Variants in PEPD observed in about 807,000 individuals in gnomAD.
PEPD encodes peptidase D, also known as xaa-Pro dipeptidase.
Under a neutral mutation model 60.7 loss-of-function variants are expected in PEPD, and 53 were observed. The observed-to-expected ratio is 0.87, with a 90% CI of 0.70 to 1.10. The LOEUF is 1.10. Ranked by LOEUF, PEPD falls within the 50% of genes least tolerant of loss-of-function variation. PEPD has a pLI of 0.00. For synonymous variants in PEPD, 267 were observed against 284.1 expected, an observed-to-expected ratio of 0.94 and a Z score of 0.60; for missense variants, 711 against 711.9, an observed-to-expected ratio of 1.00 and a Z score of 0.01.
At chr19:33,496,158 C>A (rs955922214) in intron 4 of PEPD, among the ~76,000 whole-genome samples, 3 of 152,136 alleles carry the variant, frequency 2.0e-5, no homozygotes, top group African/African-American at 7.2e-5. Context: ...AGGAGCCCGT[C>A]AATTACAGCA....
At chr19:33,421,567 T>C (rs907057339) in intron 9 of PEPD, among the ~76,000 whole-genome samples, 2 of 152,330 alleles carry the variant, frequency 1.3e-5, no homozygotes, top group Non-Finnish European at 2.9e-5. Flanking sequence ...CACAGCTCAC[T>C]GCAGGCTCAA....
chr19:33,435,557 G>A (rs373321842), intron 9 of PEPD, among the ~76,000 whole-genome samples: 12 of 152,206 alleles, frequency 7.9e-5, no homozygotes, highest in Admixed American at 5.2e-4. Flanking sequence ...AACCCCCCTC[G>A]TTCGGTCCCA....
At chr19:33,516,157 T>C (rs1971019120) in intron 1 of PEPD, among the ~76,000 whole-genome samples, 1 of 152,110 alleles carries the variant, frequency 6.6e-6, no homozygotes, top group Admixed American at 6.6e-5. Context: ...TAAAGTTTTA[T>C]AGAGACATGC....
intron 1 of PEPD, among the ~76,000 whole-genome samples, chr19:33,514,640 G>A (rs75975049): frequency 0.072 from 10,935 of 151,802 alleles, 524 homozygotes; most frequent in East Asian, 0.15. Context: ...CTGAGCCAAC[G>A]ACAGGCACAT....
intron 9 of PEPD, among the ~76,000 whole-genome samples, chr19:33,447,244 G>C (rs570697978): frequency 6.6e-6 from 1 of 152,320 alleles, no homozygotes; most frequent in African/African-American, 2.4e-5. Context: ...CACTCATGGA[G>C]GGTGGCCCCA....
intron 12 of PEPD, 113 bp from the exon 13 acceptor site, chr19:33,391,592 TG>T (rs1338989294): frequency 4.0e-6 from 4 of 999,720 alleles, no homozygotes; most frequent in South Asian, 2.8e-5. Flanking sequence ...GGGCCTGAGG[TG>T]GGGGGTGAGG....
At chr19:33,464,106 G>A in intron 7 of PEPD, 44 bp from the exon 8 acceptor site, 1 of 1,424,494 alleles carries the variant, frequency 7.0e-7, no homozygotes, top group Non-Finnish European at 9.9e-7. Flanking sequence ...TGACTTTCAG[G>A]AGGCACTGGC....
intron 9 of PEPD, among the ~76,000 whole-genome samples, chr19:33,418,577 C>G (rs956710997): frequency 1.3e-5 from 2 of 152,220 alleles, no homozygotes; most frequent in Non-Finnish European, 2.9e-5. Flanking sequence ...AAGGCACAGG[C>G]GAAGGCGCCC....
At chr19:33,421,432 G>A (rs921436211) in intron 9 of PEPD, among the ~76,000 whole-genome samples, 6 of 152,206 alleles carry the variant, frequency 3.9e-5, no homozygotes, top group Admixed American at 3.9e-4. Context: ...GAAGGTTCTT[G>A]TTAAAGCAAA....
intron 9 of PEPD, among the ~76,000 whole-genome samples, chr19:33,420,294 C>A (rs1968985082): frequency 1.3e-5 from 2 of 152,208 alleles, no homozygotes; most frequent in Non-Finnish European, 2.9e-5. Context: ...GAAAAAAAGT[C>A]ACTGATCGTG....
intron 9 of PEPD, among the ~76,000 whole-genome samples, chr19:33,448,522 A>C (rs1458553226): frequency 6.6e-6 from 1 of 151,396 alleles, no homozygotes; most frequent in Non-Finnish European, 1.5e-5. Flanking sequence ...AAAACAGAAA[A>C]AAAAGTCTTT....
chr19:33,407,136 A>AT (rs1968646559), intron 11 of PEPD, among the ~76,000 whole-genome samples: 2 of 152,192 alleles, frequency 1.3e-5, no homozygotes, highest in African/African-American at 2.4e-5. Flanking sequence ...GCCACAGTAG[A>AT]TTAAGGCCCC....
intron 11 of PEPD, among the ~76,000 whole-genome samples, chr19:33,403,971 G>A (rs1050766822): frequency 1.3e-5 from 2 of 152,214 alleles, no homozygotes; most frequent in East Asian, 1.9e-4. Context: ...GCTTCCCCAC[G>A]GCTGGCCGGG....
chr19:33,512,917 C>T (rs577397078), intron 1 of PEPD, 141 bp from the exon 2 acceptor site: 4 of 857,726 alleles, frequency 4.7e-6, no homozygotes, highest in Non-Finnish European at 5.8e-6. Context: ...CAAGCTCCAC[C>T]TACTTATGAC....
At chr19:33,466,211 C>T (rs888916731) in intron 7 of PEPD, among the ~76,000 whole-genome samples, 9 of 152,168 alleles carry the variant, frequency 5.9e-5, no homozygotes, top group Non-Finnish European at 1.5e-5. Flanking sequence ...TATGTTTCTT[C>T]TCTCAATAAG....
intron 7 of PEPD, among the ~76,000 whole-genome samples, chr19:33,464,690 G>A (rs1352778418): frequency 6.6e-6 from 1 of 152,184 alleles, no homozygotes; most frequent in Admixed American, 6.5e-5. Flanking sequence ...GGGCAGGGGA[G>A]TCACAATCGA....
Position 33,490,043 on chromosome 19 carries a change from C to A in PEPD, c.456G>T (p.Thr152=), listed in dbSNP as rs200011486. ...SVLLTLRGVN[T]DSGSVCREAS... ...CCTCCCTGCAGACACTGCCGCTGTC[C>A]GTGTTGACGCCACGCTGGGGAGAGA... Residue 152 remains threonine (T), a synonymous_variant, in exon 6 of 15, where the codon ACG becomes ACT. Transcript: ENST00000244137. 4 of 1,611,974 alleles carry A rather than the reference C, an allele frequency of 2.5e-6. No homozygotes were observed. Among genetic ancestry groups the A allele is most frequent in the African/African-American group, 2.7e-5 (2 of 74,884 alleles).
intron 4 of PEPD, among the ~76,000 whole-genome samples, chr19:33,499,462 G>A (rs1970668299): frequency 6.6e-6 from 1 of 152,206 alleles, no homozygotes; most frequent in South Asian, 2.1e-4. Context: ...GTTGAGGTCA[G>A]CCCTGGGTCT....
At chr19:33,401,603 C>A in intron 12 of PEPD, 118 bp downstream of exon 12, 1 of 959,538 alleles carries the variant, frequency 1.0e-6, no homozygotes, top group Non-Finnish European at 1.6e-6. Flanking sequence ...GACTAAGCAT[C>A]TGGAGTGTGG....
Sources: gnomAD v4.1 joint callset for allele counts (sites outside exome capture counted in the v4.1 genomes callset) on GRCh38, gnomAD v4.1.1 for gene constraint, MANE v1.5 for transcripts, NCBI Gene and HGNC (gene_info 2026-07-23, HGNC 2026-07-21) for gene names.